Variants in FXR1 observed in about 807,000 individuals in gnomAD.
The protein encoded by FXR1 is RNA-binding protein FXR1.
Under a neutral mutation model 84.0 loss-of-function variants are expected in FXR1, and 15 were observed. That is an observed-to-expected ratio of 0.18 (90% CI 0.12 to 0.27). FXR1 has a LOEUF of 0.27. Ranked by LOEUF, FXR1 falls within the 10% of genes least tolerant of loss-of-function variation. The pLI is 1.00. For synonymous variants in FXR1, 245 were observed against 250.7 expected, an observed-to-expected ratio of 0.98 and a Z score of 0.21; for missense variants, 480 against 774.4, an observed-to-expected ratio of 0.62 and a Z score of 4.51.
chr3:180,941,876 A>G (rs752332740), intron 3 of FXR1, among the ~76,000 whole-genome samples: 6 of 152,328 alleles, frequency 3.9e-5, no homozygotes, highest in Non-Finnish European at 7.3e-5. Flanking sequence ...TTTTCTTCTT[A>G]AAATGTCATA....
intron 9 of FXR1, among the ~76,000 whole-genome samples, chr3:180,955,566 T>C (rs1805603): frequency 0.24 from 36,430 of 152,134 alleles, 4,574 homozygotes; most frequent in African/African-American, 0.31. Flanking sequence ...AAATGCTGCC[T>C]TTTTAAAGAA....
chr3:180,964,701 A>G (rs1159212609), intron 13 of FXR1, among the ~76,000 whole-genome samples: 1 of 141,982 alleles, frequency 7.0e-6, no homozygotes, highest in African/African-American at 2.6e-5. Flanking sequence ...ATATATATAT[A>G]ATGAGTACTG....
chr3:180,938,363 TG>T (rs1489811607), intron 3 of FXR1, among the ~76,000 whole-genome samples: 1 of 152,246 alleles, frequency 6.6e-6, no homozygotes, highest in East Asian at 1.9e-4. Context: ...TGTACAGTTT[TG>T]TAAACTTGGT....
intron 13 of FXR1, among the ~76,000 whole-genome samples, chr3:180,963,951 C>T (rs1805623): frequency 1.4e-3 from 215 of 151,794 alleles, no homozygotes; most frequent in Middle Eastern, 3.4e-3. Context: ...AAATATAAAA[C>T]CTTTTCCAAA....
intron 15 of FXR1, chr3:180,971,740 ATGTT>A (rs1713616794): frequency 6.6e-6 from 1 of 152,654 alleles, no homozygotes; most frequent in South Asian, 2.1e-4. Context: ...TAGTTTTAGA[ATGTT>A]TATTTTATGT....
At chr3:180,968,487 A>G (rs1713122024) in intron 14 of FXR1, 6 of 385,282 alleles carry the variant, frequency 1.6e-5, no homozygotes, top group Admixed American at 4.2e-5. Flanking sequence ...TTTTCTTTAT[A>G]TGATGAGGGT....
In FXR1 at chr3:180,978,676, G is replaced by C. The variant is rs1239358541; in HGVS notation, c.*2384G>C. On this transcript the variant is annotated 3_prime_UTR_variant, in exon 17 of 17. Transcript: ENST00000357559. ...GAGGTGGGAGCATCATTTGAACTCAGTTCTGGGCCACTGAGACCCTCTTTA... is the reference window on the plus strand; with the variant it reads ...GAGGTGGGAGCATCATTTGAACTCACTTCTGGGCCACTGAGACCCTCTTTA... 2.0e-5 allele frequency: 3 copies of C among 152,062 alleles called. No homozygotes were observed. The highest frequency in any genetic ancestry group is 4.4e-5 in the Non-Finnish European group (3 of 67,992). 9.4% of individuals were successfully genotyped at this position (152,062 alleles called of 1,614,324 possible).
chr3:180,955,558 ATGC>A (rs1265525562), intron 9 of FXR1, among the ~76,000 whole-genome samples: 5 of 152,186 alleles, frequency 3.3e-5, no homozygotes, highest in African/African-American at 7.2e-5. Context: ...GCTTTTGAAA[ATGC>A]TGCCTTTTTA....
At chr3:180,959,753 T>G (rs1445105759) in intron 10 of FXR1, among the ~76,000 whole-genome samples, 1 of 151,982 alleles carries the variant, frequency 6.6e-6, no homozygotes, top group African/African-American at 2.4e-5. Flanking sequence ...TTCCCTTGTT[T>G]CATGCTTTCA....
intron 10 of FXR1, 26 bp from the exon 11 acceptor site, chr3:180,961,442 G>A: frequency 2.5e-6 from 3 of 1,183,196 alleles, no homozygotes; most frequent in Admixed American, 1.8e-5. Context: ...ATTAAACACT[G>A]AATACTTTTT....
intron 3 of FXR1, among the ~76,000 whole-genome samples, chr3:180,936,070 TTAG>T (rs1720490676): frequency 6.6e-6 from 1 of 151,892 alleles, no homozygotes; most frequent in Non-Finnish European, 1.5e-5. Context: ...TTTTGTATTG[TTAG>T]TAGAGACGGG....
At chr3:180,948,272 A>G (rs544025830) in intron 4 of FXR1, 75 bp from the exon 5 acceptor site, 41 of 1,066,984 alleles carry the variant, frequency 3.8e-5, no homozygotes, top group East Asian at 3.1e-4. Context: ...AAGCTGAGCA[A>G]GGTAATTAGA....
intron 1 of FXR1, among the ~76,000 whole-genome samples, chr3:180,923,881 T>A (rs866786107): frequency 1.3e-5 from 2 of 152,102 alleles, no homozygotes; most frequent in Non-Finnish European, 2.9e-5. Context: ...CCCTCAGGCA[T>A]CCTTCTTGAG....
At chr3:180,927,566 T>A (rs970738032) in intron 1 of FXR1, 2 of 588,530 alleles carry the variant, frequency 3.4e-6, no homozygotes, top group African/African-American at 2.0e-5. Flanking sequence ...TGAGAAACTT[T>A]TTGTTTTTCA....
intron 3 of FXR1, among the ~76,000 whole-genome samples, chr3:180,938,533 C>T (rs552416673): frequency 6.6e-6 from 1 of 151,954 alleles, no homozygotes; most frequent in Admixed American, 6.6e-5. Context: ...CATTTTATGG[C>T]TGAGTTTTAT....
chr3:180,939,817 G>A (rs908289463), intron 3 of FXR1, among the ~76,000 whole-genome samples: 3 of 152,122 alleles, frequency 2.0e-5, no homozygotes, highest in African/African-American at 7.2e-5. Flanking sequence ...ATCCTTTGAA[G>A]GAAAGAAAAG....
rs371989214 is a variant in FXR1, at chr3:180,963,092, TAAAA to T, written c.1198+8_1198+11del. 6.7e-6 allele frequency: 9 copies of T among 1,353,064 alleles called. No individual in the cohort carries two copies. In the African/African-American group the frequency reaches 1.2e-4, roughly 18 times the overall value. The allele number at this position is 1,353,064 out of a possible 1,614,324, so 83.8% of individuals were successfully genotyped here. A position where few individuals can be genotyped will look rare whatever the true frequency, so the allele number is the denominator to read the frequency against. On this transcript the variant is annotated splice_donor_5th_base_variant and intron_variant, in intron 13 of 16. Coordinates refer to ENST00000357559, the MANE Select transcript of FXR1 (RefSeq NM_005087.4). The stretch of plus-strand genomic sequence containing the variant: ...GACCTAATTACACCTCCGGTTATGG[TAAAA>T]AAAAATTTTTTTTTTTTTTTTTTGG...
rs138930365 is a variant in FXR1 at position 180,944,682 on chromosome 3, A to C, written c.199-3183A>C. ...CTCCATGCTGGAGTATAGTGAAGCA[A>C]ACACAACTCACTGCAGCCTTGACTT... On this transcript the variant is annotated intron_variant, in intron 3 of 16. Coordinates refer to ENST00000357559, the MANE Select transcript of FXR1 (RefSeq NM_005087.4). Among the ~76,000 whole-genome samples, 54 of 152,182 alleles carry C rather than the reference A, an allele frequency of 3.5e-4. 1 individual carries two copies. The East Asian group carries it at 9.7e-3, about 27-fold the overall frequency.
At chr3:180,946,601 A>G (rs998226613) in intron 3 of FXR1, among the ~76,000 whole-genome samples, 3 of 152,326 alleles carry the variant, frequency 2.0e-5, no homozygotes, top group Admixed American at 2.0e-4. Flanking sequence ...CCTGATTGGT[A>G]TATTGGACTT....
Sources: gnomAD v4.1 joint callset for allele counts (sites outside exome capture counted in the v4.1 genomes callset) on GRCh38, gnomAD v4.1.1 for gene constraint, MANE v1.5 for transcripts, NCBI Gene and HGNC (gene_info 2026-07-23, HGNC 2026-07-21) for gene names.